Variants in FMN1 observed in about 807,000 individuals in gnomAD.
FMN1 encodes formin 1, also known as formin-1.
Under a neutral mutation model 132.4 loss-of-function variants are expected in FMN1, and 110 were observed. The ratio of observed to expected loss-of-function variants is 0.83; its 90% CI spans 0.71 to 0.97. The LOEUF is 0.97. Ranked by LOEUF, FMN1 falls within the 50% of genes least tolerant of loss-of-function variation. The probability of loss-of-function intolerance (pLI) is 0.00; values close to 1 mark genes in which losing one functional copy is unlikely to be tolerated. For missense variants in FMN1, 1,792 were observed against 1,705.3 expected (o/e 1.05, Z -0.90); for synonymous variants, 722 against 651.7 (o/e 1.11, Z -1.64).
chr15:32,869,681 A>T (rs1200899555), intron 16 of FMN1, among the ~76,000 whole-genome samples: 1 of 152,006 alleles, frequency 6.6e-6, no homozygotes, highest in Non-Finnish European at 1.5e-5. Context: ...ACCCTGGGGC[A>T]TGTGCACAGT....
At chr15:32,816,965 A>G (rs1252794535) in intron 17 of FMN1, among the ~76,000 whole-genome samples, 2 of 152,218 alleles carry the variant, frequency 1.3e-5, no homozygotes, top group Non-Finnish European at 2.9e-5. Flanking sequence ...ATAAAAAGCT[A>G]TTAGGCATGG....
intron 18 of FMN1, among the ~76,000 whole-genome samples, chr15:32,802,378 C>T (rs1262737319): frequency 3.3e-5 from 5 of 152,212 alleles, no homozygotes; most frequent in Non-Finnish European, 7.3e-5. Context: ...TCAGAAACTG[C>T]TTAGGAAAAG....
chr15:32,861,121 T>C (rs1471891195), intron 16 of FMN1, among the ~76,000 whole-genome samples: 1 of 152,232 alleles, frequency 6.6e-6, no homozygotes. Context: ...CCCTCTACTA[T>C]ATTCAAATTC....
chr15:33,084,243 G>A (rs936156432), intron 5 of FMN1, among the ~76,000 whole-genome samples: 1 of 152,160 alleles, frequency 6.6e-6, no homozygotes, highest in Non-Finnish European at 1.5e-5. Context: ...TCTTGTGTAA[G>A]GTCCAAGAAC....
At chr15:32,838,813 C>T (rs955241500) in intron 17 of FMN1, among the ~76,000 whole-genome samples, 6 of 152,158 alleles carry the variant, frequency 3.9e-5, no homozygotes, top group South Asian at 4.1e-4. Context: ...GTTGCCAGAA[C>T]GCTTGAACAA....
chr15:33,014,329 G>A (rs2034911935), intron 6 of FMN1, among the ~76,000 whole-genome samples: 1 of 152,230 alleles, frequency 6.6e-6, no homozygotes, highest in African/African-American at 2.4e-5. Context: ...AGGATGGGGA[G>A]GCAGAGGTGT....
chr15:33,004,944 A>G (rs2140929973), intron 7 of FMN1, among the ~76,000 whole-genome samples: 1 of 152,288 alleles, frequency 6.6e-6, no homozygotes, highest in South Asian at 2.1e-4. Flanking sequence ...AAGGACAAAA[A>G]AACCAAACAC....
At chr15:33,172,186 T>C (rs1053058423) in intron 3 of FMN1, among the ~76,000 whole-genome samples, 2 of 149,874 alleles carry the variant, frequency 1.3e-5, no homozygotes, top group Non-Finnish European at 3.0e-5. Context: ...CCAGACTGGG[T>C]GGCAGAGCGA....
chr15:33,091,803 T>C (rs1566907697), intron 4 of FMN1, among the ~76,000 whole-genome samples: 2 of 152,104 alleles, frequency 1.3e-5, no homozygotes, highest in Admixed American at 6.5e-5. Flanking sequence ...ATAAATTTAA[T>C]AAAAAGAGAA....
intron 3 of FMN1, among the ~76,000 whole-genome samples, chr15:33,177,141 T>C (rs554858586): frequency 6.6e-6 from 1 of 152,324 alleles, no homozygotes; most frequent in African/African-American, 2.4e-5. Context: ...CACAGGAGGG[T>C]AACTTGTCCA....
chr15:33,005,126 A>G (rs919019809), intron 7 of FMN1, among the ~76,000 whole-genome samples: 6 of 152,150 alleles, frequency 3.9e-5, no homozygotes, highest in Admixed American at 6.5e-5. Context: ...ACAACATGGC[A>G]CATGTATACA....
chr15:32,780,422 T>C (rs2056626063), intron 19 of FMN1, among the ~76,000 whole-genome samples: 1 of 152,306 alleles, frequency 6.6e-6, no homozygotes, highest in South Asian at 2.1e-4. Flanking sequence ...ACAAATGTCA[T>C]GGCAATAGTC....
At chr15:33,125,552 A>G (rs1962975735) in intron 4 of FMN1, among the ~76,000 whole-genome samples, 4 of 152,322 alleles carry the variant, frequency 2.6e-5, no homozygotes, top group Admixed American at 6.5e-5. Flanking sequence ...AAAAAAATTC[A>G]GAATAGGTGG....
intron 4 of FMN1, among the ~76,000 whole-genome samples, chr15:33,143,340 A>T (rs2140256548): frequency 6.6e-6 from 1 of 152,348 alleles, no homozygotes; most frequent in Admixed American, 6.5e-5. Flanking sequence ...AAAATGTGAA[A>T]AATGTGTCCC....
chr15:32,841,985 C>T (rs1014642936), intron 17 of FMN1, among the ~76,000 whole-genome samples: 3 of 152,182 alleles, frequency 2.0e-5, no homozygotes, highest in African/African-American at 7.2e-5. Flanking sequence ...ACCGTGGTAG[C>T]TTGTCTCCAA....
At chr15:32,993,998 G>A (rs1001334299) in intron 7 of FMN1, among the ~76,000 whole-genome samples, 3 of 152,012 alleles carry the variant, frequency 2.0e-5, no homozygotes, top group Non-Finnish European at 4.4e-5. Flanking sequence ...CTGTTCTGAA[G>A]ATGAAATTGG....
chr15:32,954,814 T>C lies in FMN1; in HGVS notation c.3138+9293A>G, dbSNP rs112561780. Among the ~76,000 whole-genome samples the C allele has an allele frequency of 5.4e-3, 824 of 152,318 alleles. 13 individuals carry two copies. The highest frequency in any genetic ancestry group is 0.019 in the African/African-American group (801 of 41,572). On this transcript the variant is annotated intron_variant, in intron 9 of 20. Transcript: ENST00000616417. ...TGAGGTCAGTAGTTGGAGACTAGCC[T>C]GGCCAACATGGTGAAACCCCATCTC... is the stretch of plus-strand genomic sequence containing the variant.
intron 4 of FMN1, among the ~76,000 whole-genome samples, chr15:33,132,668 C>A (rs915307185): frequency 6.6e-6 from 1 of 152,174 alleles, no homozygotes; most frequent in Non-Finnish European, 1.5e-5. Flanking sequence ...GCCTATTATT[C>A]TTCTTGGTGA....
intron 17 of FMN1, among the ~76,000 whole-genome samples, chr15:32,846,260 A>T (rs1157666680): frequency 6.6e-6 from 1 of 152,224 alleles, no homozygotes; most frequent in Non-Finnish European, 1.5e-5. Flanking sequence ...CAGCTTCTGC[A>T]CAACAAAAGA....
Sources: allele counts gnomAD v4.1 joint callset (sites outside exome capture counted in the v4.1 genomes callset), GRCh38; gene constraint gnomAD v4.1.1; transcripts MANE v1.5; gene names NCBI Gene and HGNC (gene_info 2026-07-23, HGNC 2026-07-21).